The following FAM168A variants were observed in gnomAD, a reference collection of about 807,000 sequenced individuals.
FAM168A encodes the protein protein FAM168A.
In FAM168A, 3 loss-of-function variants were observed where a neutral mutation model predicts 28.5. The ratio of observed to expected loss-of-function variants is 0.11; its 90% CI spans 0.05 to 0.27. FAM168A has a LOEUF of 0.27. FAM168A is among the 10% of genes least tolerant of loss of function. The pLI, the probability that FAM168A is intolerant of heterozygous loss-of-function variation, is 1.00. For missense variants in FAM168A, 222 were observed against 311.5 expected (o/e 0.71, Z 2.16); for synonymous variants, 122 against 124.2 (o/e 0.98, Z 0.12).
chr11:73,440,200 A>C (rs1324762635), intron 2 of FAM168A, among the ~76,000 whole-genome samples: 1 of 151,964 alleles, frequency 6.6e-6, no homozygotes, highest in Admixed American at 6.6e-5. Context: ...CTTTTATTCT[A>C]CTGTTCCATT....
At chr11:73,436,531 A>AT (rs1222842027) in intron 2 of FAM168A, among the ~76,000 whole-genome samples, 3 of 152,150 alleles carry the variant, frequency 2.0e-5, no homozygotes, top group African/African-American at 7.2e-5. Flanking sequence ...CCAAAAAAAA[A>AT]ATCTTTATTC....
Position 73,424,609 on chromosome 11 carries a change from T to C in FAM168A, c.152-4610A>G, listed in dbSNP as rs140693228. ...GTCTTCAAACATGTCAGACTGCCGA[T>C]GGAGATGGAAAATCTGATCCTGGGG... On this transcript the variant is annotated intron_variant, in intron 3 of 7. Coordinates refer to ENST00000356467, the MANE Select transcript of FAM168A (RefSeq NM_015159.3). Among the ~76,000 whole-genome samples the C allele has an allele frequency of 1.3e-4, 20 of 152,256 alleles. No individual in the cohort carries two copies. In the East Asian group the frequency reaches 1.5e-3, roughly 12 times the overall value.
At chr11:73,443,861 T>A (rs1867250323) in intron 2 of FAM168A, among the ~76,000 whole-genome samples, 1 of 152,230 alleles carries the variant, frequency 6.6e-6, no homozygotes, top group Non-Finnish European at 1.5e-5. Context: ...TGTCCTTTTT[T>A]CCTTCTCCTG....
intron 1 of FAM168A, among the ~76,000 whole-genome samples, chr11:73,499,341 A>C (rs1037105080): frequency 3.9e-5 from 6 of 152,174 alleles, no homozygotes; most frequent in African/African-American, 1.4e-4. Flanking sequence ...GACAACAAAA[A>C]AAGGCTCCCA....
intron 1 of FAM168A, among the ~76,000 whole-genome samples, chr11:73,546,490 T>C (rs1943754603): frequency 6.6e-6 from 1 of 152,180 alleles, no homozygotes; most frequent in Non-Finnish European, 1.5e-5. Context: ...TCCAGCACTT[T>C]GGGAGGCTAA....
At chr11:73,506,317 C>T (rs1466389735) in intron 1 of FAM168A, among the ~76,000 whole-genome samples, 2 of 151,376 alleles carry the variant, frequency 1.3e-5, no homozygotes, top group Non-Finnish European at 2.9e-5. Flanking sequence ...CCTTGGTATA[C>T]AAGATCTATA....
chr11:73,587,516 TG>T (rs1944330379), intron 1 of FAM168A, among the ~76,000 whole-genome samples: 1 of 151,248 alleles, frequency 6.6e-6, no homozygotes, highest in African/African-American at 2.4e-5. Context: ...AGGAATCTTC[TG>T]GAAGTCGTAA....
At chr11:73,419,376 T>G (rs1468413558) in intron 4 of FAM168A, among the ~76,000 whole-genome samples, 1 of 152,152 alleles carries the variant, frequency 6.6e-6, no homozygotes. Context: ...TTAGAAACAT[T>G]TTTGGTTGTC....
chr11:73,538,146 C>T (rs995976987), intron 1 of FAM168A, among the ~76,000 whole-genome samples: 5 of 152,106 alleles, frequency 3.3e-5, no homozygotes, highest in African/African-American at 1.2e-4. Flanking sequence ...TTGACTAACA[C>T]TTTTCTACTA....
chr11:73,571,193 CA>C (rs200945789), intron 1 of FAM168A, among the ~76,000 whole-genome samples: 2,182 of 150,548 alleles, frequency 0.014, 44 homozygotes, highest in African/African-American at 0.045. Flanking sequence ...CTGCAGCATT[CA>C]GATACATCAA....
intron 1 of FAM168A, among the ~76,000 whole-genome samples, chr11:73,554,404 TAA>T (rs1565296082): frequency 6.6e-6 from 1 of 151,732 alleles, no homozygotes; most frequent in African/African-American, 2.4e-5. Flanking sequence ...GATATAATGT[TAA>T]ATTAAAAAAT....
chr11:73,489,508 C>G lies in FAM168A; in HGVS notation c.-18-21016G>C, dbSNP rs546218745. Among the ~76,000 whole-genome samples, 4 of 149,268 alleles carry G rather than the reference C, an allele frequency of 2.7e-5. No homozygotes were observed. In the South Asian group the frequency reaches 8.3e-4, roughly 31 times the overall value. On this transcript the variant is annotated intron_variant, in intron 1 of 7. Coordinates refer to ENST00000356467, the MANE Select transcript of FAM168A (RefSeq NM_015159.3). Reference sequence around the variant, plus strand: ...ATTCTCTCCCCCACACCCCATCCCCCACTTTTTTTTTTTTTTTGGATATCG... The same window carrying G: ...ATTCTCTCCCCCACACCCCATCCCCGACTTTTTTTTTTTTTTTGGATATCG...
chr11:73,429,630 G>T (rs966287778), intron 3 of FAM168A, among the ~76,000 whole-genome samples: 9 of 152,106 alleles, frequency 5.9e-5, no homozygotes, highest in Admixed American at 3.3e-4. Context: ...TGTGCTTAAA[G>T]AACAGCTTCT....
intron 1 of FAM168A, among the ~76,000 whole-genome samples, chr11:73,525,564 T>C (rs1327964985): frequency 6.6e-6 from 1 of 152,160 alleles, no homozygotes; most frequent in African/African-American, 2.4e-5. Context: ...ATGTGGGAGT[T>C]TAATTGTTCC....
chr11:73,446,068 T>C (rs1372332764), intron 2 of FAM168A, among the ~76,000 whole-genome samples: 1 of 152,216 alleles, frequency 6.6e-6, no homozygotes, highest in Non-Finnish European at 1.5e-5. Context: ...TAAGGAGGTA[T>C]CAGCAGAACT....
intron 1 of FAM168A, among the ~76,000 whole-genome samples, chr11:73,568,153 C>CA (rs148946726): frequency 0.01 from 1,530 of 152,284 alleles, 28 homozygotes; most frequent in African/African-American, 0.036. Flanking sequence ...GCACAACTAA[C>CA]AGACATAAAA....
At chr11:73,442,670 T>C (rs894499298) in intron 2 of FAM168A, among the ~76,000 whole-genome samples, 11 of 152,048 alleles carry the variant, frequency 7.2e-5, no homozygotes, top group African/African-American at 2.4e-4. Flanking sequence ...TTCAATCCTT[T>C]ATACGTACTG....
intron 4 of FAM168A, among the ~76,000 whole-genome samples, chr11:73,412,679 C>T (rs1866634251): frequency 6.6e-6 from 1 of 152,198 alleles, no homozygotes; most frequent in African/African-American, 2.4e-5. Flanking sequence ...AGACTCTAAA[C>T]TCTTCTAAGT....
chr11:73,577,586 G>A (rs1276896862), intron 1 of FAM168A, among the ~76,000 whole-genome samples: 1 of 152,162 alleles, frequency 6.6e-6, no homozygotes, highest in South Asian at 2.1e-4. Context: ...TTCACTTTCA[G>A]AATTCTCCTT....
Sources: gnomAD v4.1 joint callset for allele counts (sites outside exome capture counted in the v4.1 genomes callset) on GRCh38, gnomAD v4.1.1 for gene constraint, MANE v1.5 for transcripts, NCBI Gene and HGNC (gene_info 2026-07-23, HGNC 2026-07-21) for gene names.